Variants in ATP2A2 observed in about 807,000 individuals in gnomAD.
The protein encoded by ATP2A2 is ATPase sarcoplasmic/endoplasmic reticulum Ca2+ transporting 2.
Under a neutral mutation model 109.3 loss-of-function variants are expected in ATP2A2, and 14 were observed. That is an observed-to-expected ratio of 0.13 (90% CI 0.08 to 0.20). The LOEUF is 0.20. Ranked by LOEUF, ATP2A2 falls within the 10% of genes least tolerant of loss-of-function variation. ATP2A2 has a pLI of 1.00. For missense variants in ATP2A2, 657 were observed against 1,321.6 expected (o/e 0.50, Z 7.80); for synonymous variants, 506 against 490.9 (o/e 1.03, Z -0.41).
chr12:110,332,790 C>T (rs1437826041), intron 9 of ATP2A2, 105 bp downstream of exon 9: 6 of 997,148 alleles, frequency 6.0e-6, no homozygotes, highest in Non-Finnish European at 9.7e-6. Flanking sequence ...GAATGTGGCT[C>T]AAGTCAACAC....
chr12:110,340,538 CAAAAAAAAAAAA>C lies in ATP2A2; in HGVS notation c.1762-119_1762-108del, dbSNP rs936356149. ...GGGCAACAAGAGCGAAACTCCGCCT[CAAAAAAAAAAAA>C]AGAAAAAAAATGCAGAAACCTGTCT... On this transcript the variant is annotated intron_variant, in intron 13 of 19. Transcript: ENST00000539276. This position sits in a 1 kb window ranked among gnomAD's most constrained non-coding sequence, Gnocchi z 6.0. The C allele has an allele frequency of 1.0e-4, 94 of 913,334 alleles. No individual in the cohort carries two copies. The African/African-American group carries it at 1.6e-3, about 15-fold the overall frequency. The allele number at this position is 913,334 out of a possible 1,614,324, so 56.6% of individuals were successfully genotyped here. A position where few individuals can be genotyped will look rare whatever the true frequency, so the allele number is the denominator to read the frequency against.
chr12:110,305,177 G>A (rs1249471280), intron 5 of ATP2A2, among the ~76,000 whole-genome samples: 2 of 152,070 alleles, frequency 1.3e-5, no homozygotes, highest in Non-Finnish European at 2.9e-5. Flanking sequence ...CAAATGATCC[G>A]CCTGCCTCAG....
chr12:110,298,446 G>T (rs146879636), intron 5 of ATP2A2, among the ~76,000 whole-genome samples: 134 of 152,286 alleles, frequency 8.8e-4, no homozygotes, highest in Middle Eastern at 3.4e-3. Flanking sequence ...TTGGCCAGGC[G>T]TGGTGGCTCA....
chr12:110,291,370 A>AT (rs1232558550), intron 3 of ATP2A2, among the ~76,000 whole-genome samples: 4 of 149,056 alleles, frequency 2.7e-5, no homozygotes, highest in Non-Finnish European at 5.9e-5. Context: ...TGCCCAGGTA[A>AT]TTTTTTTGTA....
At chr12:110,312,636 G>A (rs1876204594) in intron 5 of ATP2A2, among the ~76,000 whole-genome samples, 1 of 151,966 alleles carries the variant, frequency 6.6e-6, no homozygotes. Flanking sequence ...GATCATTTGA[G>A]CCCAGGAGTT....
intron 4 of ATP2A2, among the ~76,000 whole-genome samples, chr12:110,293,871 T>TATATA (rs1491495436): frequency 2.0e-4 from 16 of 79,500 alleles, no homozygotes; most frequent in African/African-American, 7.6e-4. Flanking sequence ...TGTGTATATA[T>TATATA]TTTTTTTTTT....
At chr12:110,290,570 G>T (rs1393142192) in intron 3 of ATP2A2, among the ~76,000 whole-genome samples, 1 of 152,112 alleles carries the variant, frequency 6.6e-6, no homozygotes, top group Non-Finnish European at 1.5e-5. Flanking sequence ...ATTCTAAAAT[G>T]GAATTATTAC....
Position 110,326,600 on chromosome 12 carries a change from G to A in ATP2A2, c.630+125G>A, listed in dbSNP as rs1185717599. ...AGGATAATCACACTTTTCATGGTCA[G>A]TCTTAGGTGTCAGAATATGGCAGTA... On this transcript the variant is annotated intron_variant, in intron 7 of 19. Transcript: ENST00000539276. 3 of 990,258 alleles carry A rather than the reference G, an allele frequency of 3.0e-6. No homozygotes were observed. In the African/African-American group the frequency reaches 4.8e-5, roughly 16 times the overall value. The allele number at this position is 990,258 out of a possible 1,614,324, so 61.3% of individuals were successfully genotyped here.
At chr12:110,290,548 G>C (rs1873151967) in intron 3 of ATP2A2, among the ~76,000 whole-genome samples, 1 of 152,118 alleles carries the variant, frequency 6.6e-6, no homozygotes, top group Non-Finnish European at 1.5e-5. Context: ...CCTCTCCCCA[G>C]ATTTTATTTG....
Position 110,346,014 on chromosome 12 carries a change from C to G in ATP2A2, c.2755C>G (p.Gln919Glu), listed in dbSNP as rs1236153563. The part of the protein sequence containing the change: ...CNALNSLSEN[Q>E]SLLRMPPWEN... The stretch of plus-strand genomic sequence containing the variant: ...CTTGCTCTGCAGCTTGTCCGAAAAC[C>G]AGTCCTTGCTGAGGATGCCCCCCTG... Residue 919 changes from glutamine to glutamate, a missense_variant, in exon 19 of 20, where the codon CAG (glutamine) becomes GAG (glutamate). Physicochemically the swap from Gln to Glu is conservative, Grantham distance 29. Transcript: ENST00000539276. The G allele has an allele frequency of 6.2e-7, 1 of 1,614,186 alleles. No homozygotes were observed. Among genetic ancestry groups the G allele is most frequent in the Non-Finnish European group, 8.5e-7 (1 of 1,180,032 alleles).
chr12:110,282,006 C>G, intron 1 of ATP2A2, 99 bp downstream of exon 1: 1 of 938,980 alleles, frequency 1.1e-6, no homozygotes, highest in Admixed American at 3.5e-5. Flanking sequence ...GCTCCGCGCC[C>G]GCCGACAGCT....
Position 110,350,156 on chromosome 12 carries a change from G to A in ATP2A2, c.*3686G>A. The A allele has an allele frequency of 1.3e-6, 2 of 1,572,402 alleles. No homozygotes were observed. Among genetic ancestry groups the A allele is most frequent in the Middle Eastern group, 4.1e-4 (2 of 4,846 alleles). On this transcript the variant is annotated 3_prime_UTR_variant, in exon 20 of 20. Transcript: ENST00000539276. ...CAGGGACAGTAAATCAGAAATGCTG[G>A]TCTTGAAACCTTGAAAAGATCAAGC...
At chr12:110,296,844 T>C (rs1874012752) in intron 5 of ATP2A2, 107 bp downstream of exon 5, 2 of 1,274,358 alleles carry the variant, frequency 1.6e-6, no homozygotes, top group Non-Finnish European at 2.2e-6. Context: ...CATGTATCAA[T>C]TAACACATTT....
Position 110,350,697 on chromosome 12 carries a change from AAGT to A in ATP2A2, c.*4230_*4232del, listed in dbSNP as rs1341020697. 1.5e-5 allele frequency: 4 copies of A among 265,932 alleles called. No homozygotes were observed. Among genetic ancestry groups the A allele is most frequent in the African/African-American group, 8.8e-5 (4 of 45,248 alleles). The allele number at this position is 265,932 out of a possible 1,614,324, so 16.5% of individuals were successfully genotyped here. A position where few individuals can be genotyped will look rare whatever the true frequency, so the allele number is the denominator to read the frequency against. On this transcript the variant is annotated 3_prime_UTR_variant, in exon 20 of 20. Transcript: ENST00000539276. Reference sequence around the variant, plus strand: ...AATTGTAATGCATGCCTTCGGTTGTAAGTAGCCAGATCCCTCTCCAGTGACATT... The same window carrying A: ...AATTGTAATGCATGCCTTCGGTTGTAAGCCAGATCCCTCTCCAGTGACATT...
In ATP2A2 at chr12:110,323,488, G is replaced by A. The variant is rs541737820; in HGVS notation, c.544+416G>A. ...GCGTGAACCACTGCACCTGGCTGCC[G>A]ATACGGTTTTAAAGGCATGATTTAA... On this transcript the variant is annotated intron_variant, in intron 6 of 19. Coordinates refer to ENST00000539276, the MANE Select transcript of ATP2A2 (RefSeq NM_170665.4). 5.9e-5 allele frequency among the ~76,000 whole-genome samples: 9 copies of A among 152,166 alleles called. No individual in the cohort carries two copies. In the East Asian group the frequency reaches 1.2e-3, roughly 20 times the overall value.
chr12:110,286,400 T>C (rs1295889621), intron 3 of ATP2A2, among the ~76,000 whole-genome samples: 1 of 152,210 alleles, frequency 6.6e-6, no homozygotes, highest in Non-Finnish European at 1.5e-5. Flanking sequence ...ATTTTAAAAA[T>C]GGGATAAGAA....
At chr12:110,314,443 A>T (rs894235011) in intron 5 of ATP2A2, among the ~76,000 whole-genome samples, 7 of 152,220 alleles carry the variant, frequency 4.6e-5, no homozygotes, top group African/African-American at 1.7e-4. Context: ...GTGGGAGTAT[A>T]CATTTGTATG....
At chr12:110,296,186 C>A in intron 4 of ATP2A2, 1 of 192,800 alleles carries the variant, frequency 5.2e-6, no homozygotes, top group African/African-American at 2.4e-5. Flanking sequence ...AGGATCTCGT[C>A]TCACTGCAGC....
chr12:110,345,891 T>G (rs1592868414), intron 18 of ATP2A2, 110 bp from the exon 19 acceptor site: 29 of 1,077,672 alleles, frequency 2.7e-5, no homozygotes, highest in African/African-American at 1.5e-5. Context: ...CAGCGGATGG[T>G]GCCACATTAA....
Sources: gnomAD v4.1 joint callset for allele counts (sites outside exome capture counted in the v4.1 genomes callset) on GRCh38, gnomAD v4.1.1 for gene constraint, Gnocchi (gnomAD v3.1) non-coding constraint, MANE v1.5 for transcripts, NCBI Gene and HGNC (gene_info 2026-07-23, HGNC 2026-07-21) for gene names.